Variants in RNF8 observed in about 807,000 individuals in gnomAD.
The protein encoded by RNF8 is E3 ubiquitin-protein ligase RNF8.
RNF8 carries 8 observed loss-of-function variants against 59.3 expected under a neutral mutation model. That is an observed-to-expected ratio of 0.13 (90% CI 0.08 to 0.24). The LOEUF (loss-of-function observed/expected upper bound fraction) is 0.24, where lower values mean the gene tolerates loss of function less well. RNF8 is among the 10% of genes least tolerant of loss of function. The pLI is 1.00. For synonymous variants in RNF8, 162 were observed against 200.0 expected (o/e 0.81, Z 1.60); for missense variants, 406 against 572.6 (o/e 0.71, Z 2.97).
intron 5 of RNF8, among the ~76,000 whole-genome samples, chr6:37,375,033 G>T (rs543975347): frequency 6.6e-6 from 1 of 152,308 alleles, no homozygotes; most frequent in East Asian, 1.9e-4. Flanking sequence ...AGTTCCTCCT[G>T]AACTATGTAA....
At chr6:37,385,904 G>A (rs1409273998) in intron 7 of RNF8, among the ~76,000 whole-genome samples, 2 of 146,666 alleles carry the variant, frequency 1.4e-5, no homozygotes, top group Non-Finnish European at 3.0e-5. Flanking sequence ...GCATGATCAC[G>A]GCTCACTGTA....
In RNF8 at chr6:37,374,631, A is replaced by G. The variant is rs1284522830; in HGVS notation, c.1050A>G (p.Leu350=). The change falls in exon 5 of 8, where the codon CTA becomes CTG. Residue 350 remains leucine, a synonymous_variant. Transcript: ENST00000373479. The part of the protein sequence containing the change: ...LAQALQEHWA[L]MEELNRSKKD... Reference sequence around the variant, plus strand: ...CTATGTTTTTGCAGCATTGGGCTCTAATGGAAGAGCTAAATCGCAGCAAGA... The same window carrying G: ...CTATGTTTTTGCAGCATTGGGCTCTGATGGAAGAGCTAAATCGCAGCAAGA... 1 of 1,613,612 alleles carries G rather than the reference A, an allele frequency of 6.2e-7. No homozygotes were observed. The highest frequency in any genetic ancestry group is 1.3e-5 in the African/African-American group (1 of 74,920).
At chr6:37,373,123 A>G (rs1769877730) in intron 4 of RNF8, among the ~76,000 whole-genome samples, 1 of 152,124 alleles carries the variant, frequency 6.6e-6, no homozygotes. Flanking sequence ...GGTCTTTTAT[A>G]ACTGATTTCC....
At chr6:37,367,422 G>T (rs530101142) in intron 2 of RNF8, among the ~76,000 whole-genome samples, 68 of 151,908 alleles carry the variant, frequency 4.5e-4, no homozygotes, top group African/African-American at 1.5e-3. Context: ...ATTTATTTTG[G>T]AGACAGAGTC....
chr6:37,378,689 CT>C (rs940868610), intron 6 of RNF8, among the ~76,000 whole-genome samples: 2 of 151,594 alleles, frequency 1.3e-5, no homozygotes, highest in African/African-American at 4.8e-5. Flanking sequence ...CTGTTAGCCT[CT>C]TGAAAAATCT....
chr6:37,359,740 A>T (rs1469892572), intron 1 of RNF8, among the ~76,000 whole-genome samples: 1 of 152,244 alleles, frequency 6.6e-6, no homozygotes, highest in Non-Finnish European at 1.5e-5. Context: ...AAGCTAATGC[A>T]ATTTATATGC....
chr6:37,356,075 G>A (rs1448447238), intron 1 of RNF8, among the ~76,000 whole-genome samples: 1 of 152,186 alleles, frequency 6.6e-6, no homozygotes, highest in African/African-American at 2.4e-5. Context: ...GTGGGATGGG[G>A]AGGACGAATT....
At chr6:37,376,085 G>A (rs1770001973) in intron 5 of RNF8, among the ~76,000 whole-genome samples, 1 of 152,202 alleles carries the variant, frequency 6.6e-6, no homozygotes, top group Non-Finnish European at 1.5e-5. Flanking sequence ...AGAAAAGGCA[G>A]CTGCAAAGAA....
chr6:37,368,363 C>G, intron 2 of RNF8, 121 bp from the exon 3 acceptor site: 6 of 1,603,688 alleles, frequency 3.7e-6, no homozygotes. Flanking sequence ...TCTTTCTTTT[C>G]TATTTGTTAT....
Position 37,381,517 on chromosome 6 carries a change from G to A in RNF8, c.1441+163G>A, listed in dbSNP as rs556135893. 2.0e-4 allele frequency among the ~76,000 whole-genome samples: 31 copies of A among 152,296 alleles called. No homozygotes were observed. The South Asian group carries it at 6.4e-3, about 32-fold the overall frequency. Reference sequence around the variant, plus strand: ...AAAGGGAGTTAAAGATAATGCAGGAGAGGAAGAGTTGAGATAGAATTAACC... The same window carrying A: ...AAAGGGAGTTAAAGATAATGCAGGAAAGGAAGAGTTGAGATAGAATTAACC... On this transcript the variant is annotated intron_variant, in intron 7 of 7. Coordinates refer to ENST00000373479, the MANE Select transcript of RNF8 (RefSeq NM_003958.4).
chr6:37,376,861 C>T, intron 5 of RNF8, 65 bp from the exon 6 acceptor site: 1 of 972,080 alleles, frequency 1.0e-6, no homozygotes, highest in South Asian at 1.3e-5. Context: ...ATTGACCCTG[C>T]TCCCTGTCCC....
chr6:37,383,394 T>C (rs1171517643), intron 7 of RNF8, among the ~76,000 whole-genome samples: 1 of 152,254 alleles, frequency 6.6e-6, no homozygotes, highest in East Asian at 1.9e-4. Flanking sequence ...TTAATCCCTG[T>C]TGCATGGGAA....
At chr6:37,365,812 T>TTA (rs1769528003) in intron 2 of RNF8, among the ~76,000 whole-genome samples, 2 of 152,356 alleles carry the variant, frequency 1.3e-5, no homozygotes, top group African/African-American at 4.8e-5. Context: ...GCATGATTAT[T>TTA]TAAGCCATTG....
intron 6 of RNF8, among the ~76,000 whole-genome samples, chr6:37,378,697 A>G (rs1299933677): frequency 1.3e-5 from 2 of 151,660 alleles, no homozygotes; most frequent in East Asian, 3.9e-4. Context: ...CTCTTGAAAA[A>G]TCTCTCCTGG....
At chr6:37,378,795 G>A (rs1236643108) in intron 6 of RNF8, among the ~76,000 whole-genome samples, 3 of 151,850 alleles carry the variant, frequency 2.0e-5, no homozygotes, top group Non-Finnish European at 2.9e-5. Flanking sequence ...CTCTACTTTG[G>A]AGAAGTTCTA....
At chr6:37,379,503 T>C (rs1436926098) in intron 6 of RNF8, among the ~76,000 whole-genome samples, 1 of 152,186 alleles carries the variant, frequency 6.6e-6, no homozygotes, top group African/African-American at 2.4e-5. Context: ...TTAGGAGATG[T>C]ACATAAACAA....
chr6:37,355,731 A>C (rs905791036), intron 1 of RNF8, among the ~76,000 whole-genome samples: 4 of 152,286 alleles, frequency 2.6e-5, no homozygotes, highest in Non-Finnish European at 5.9e-5. Context: ...TCTTCTATCC[A>C]GGTATTAGTG....
In RNF8 at chr6:37,377,380, C is replaced by G. The variant is rs561865134; in HGVS notation, c.1236+347C>G. 1.8e-3 allele frequency among the ~76,000 whole-genome samples: 269 copies of G among 152,070 alleles called. 4 individuals carry two copies. The highest frequency in any genetic ancestry group is 1.5e-3 in the Non-Finnish European group (102 of 67,930). ...GTGTGAGTCACCACACCCAGCCGAC[C>G]CCTTCTTATTCTCCCAACCCTGAAT... On this transcript the variant is annotated intron_variant, in intron 6 of 7. Coordinates refer to ENST00000373479, the MANE Select transcript of RNF8 (RefSeq NM_003958.4).
intron 7 of RNF8, 37 bp downstream of exon 7, chr6:37,381,391 G>A (rs994614525): frequency 1.9e-6 from 3 of 1,566,098 alleles, no homozygotes; most frequent in Admixed American, 1.7e-5. Flanking sequence ...CTCAAGAAAG[G>A]ACTTATTTAC....
Sources: gnomAD v4.1 joint callset for allele counts (sites outside exome capture counted in the v4.1 genomes callset) on GRCh38, gnomAD v4.1.1 for gene constraint, MANE v1.5 for transcripts, NCBI Gene and HGNC (gene_info 2026-07-23, HGNC 2026-07-21) for gene names.